The following LAMA2 variants were observed in gnomAD, a reference collection of about 807,000 sequenced individuals.
LAMA2 encodes the protein laminin subunit alpha 2, also known as laminin subunit alpha-2.
In LAMA2, 269 loss-of-function variants were observed where a neutral mutation model predicts 364.8. The observed-to-expected ratio is 0.74, with a 90% CI of 0.67 to 0.82. LAMA2 has a LOEUF of 0.82. Ranked by LOEUF, LAMA2 falls within the 40% of genes least tolerant of loss-of-function variation. The probability of loss-of-function intolerance (pLI) is 0.00; values close to 1 mark genes in which losing one functional copy is unlikely to be tolerated. For missense variants in LAMA2, 3,807 were observed against 3,873.2 expected (o/e 0.98, Z 0.45); for synonymous variants, 1,379 against 1,370.6 (o/e 1.01, Z -0.14).
intron 29 of LAMA2, among the ~76,000 whole-genome samples, chr6:129,330,569 A>G (rs1775569887): frequency 6.9e-6 from 1 of 144,454 alleles, no homozygotes; most frequent in Non-Finnish European, 1.5e-5. Context: ...TCTCCATTTG[A>G]AGCGTTTTTT....
chr6:128,925,397 A>G (rs1314482224), intron 1 of LAMA2, among the ~76,000 whole-genome samples: 1 of 152,202 alleles, frequency 6.6e-6, no homozygotes, highest in Admixed American at 6.5e-5. Context: ...TGCTAAGTGA[A>G]ATATACCAGT....
intron 58 of LAMA2, among the ~76,000 whole-genome samples, chr6:129,495,623 C>A (rs1391248693): frequency 1.3e-5 from 2 of 152,220 alleles, no homozygotes; most frequent in African/African-American, 4.8e-5. Context: ...CCAGGCAGGT[C>A]TCTCAGCCTG....
chr6:129,305,120 G>C (rs1470207404), intron 22 of LAMA2, among the ~76,000 whole-genome samples: 1 of 152,086 alleles, frequency 6.6e-6, no homozygotes, highest in African/African-American at 2.4e-5. Context: ...TGAACATTTA[G>C]GATTGCTATG....
chr6:129,366,248 C>T lies in LAMA2; in HGVS notation c.4747C>T (p.Leu1583Phe), dbSNP rs1408335723. 1 of 1,613,824 alleles carries T rather than the reference C, an allele frequency of 6.2e-7. No individual in the cohort carries two copies. The highest frequency in any genetic ancestry group is 1.3e-5 in the African/African-American group (1 of 74,868). ...TGGAGATGAGTGCACTGGCCTTCTT[C>T]TCGGTGACTTGGCTCGCCTGGAGCA... Reference protein sequence around the residue: ...FCGDECTGLLLGDLARLEQMV... With the variant: ...FCGDECTGLLFGDLARLEQMV... The change falls in exon 33 of 65, where the codon CTC becomes TTC. Residue 1583 changes from leucine (L) to phenylalanine (F), a missense_variant. Coordinates refer to ENST00000421865, the MANE Select transcript of LAMA2 (RefSeq NM_000426.4).
At chr6:129,124,589 CT>C (rs1289467915) in intron 4 of LAMA2, among the ~76,000 whole-genome samples, 2 of 152,184 alleles carry the variant, frequency 1.3e-5, no homozygotes, top group African/African-American at 4.8e-5. Context: ...AATAAAGTCC[CT>C]TTTCCCTCTT....
chr6:128,993,339 C>T (rs544945434), intron 1 of LAMA2, among the ~76,000 whole-genome samples: 4 of 152,260 alleles, frequency 2.6e-5, no homozygotes, highest in South Asian at 2.1e-4. Context: ...ATTTCAGCAG[C>T]GTTGTCTTGA....
In LAMA2 at chr6:129,148,758, A is replaced by G. The variant is rs1778627995; in HGVS notation, c.910-221A>G. The stretch of plus-strand genomic sequence containing the variant: ...GGCCTTCCTGCTTTCTTCTGAGCCT[A>G]AACCCAGTGATTAAAGAACCAGCCT... On this transcript the variant is annotated intron_variant, in intron 6 of 64. Transcript: ENST00000421865. Among the ~76,000 whole-genome samples, 4 of 152,090 alleles carry G rather than the reference A, an allele frequency of 2.6e-5. No individual in the cohort carries two copies. The South Asian group carries it at 8.3e-4, about 31-fold the overall frequency.
intron 1 of LAMA2, among the ~76,000 whole-genome samples, chr6:128,894,967 A>G (rs1363088894): frequency 2.0e-5 from 3 of 152,306 alleles, no homozygotes; most frequent in Middle Eastern, 3.4e-3. Flanking sequence ...GGATTCACAG[A>G]TCTTTCTTTG....
intron 1 of LAMA2, among the ~76,000 whole-genome samples, chr6:129,031,140 T>C (rs1360043508): frequency 6.6e-6 from 1 of 152,182 alleles, no homozygotes; most frequent in East Asian, 1.9e-4. Context: ...AAACAGCTGC[T>C]AGAGAACAAA....
rs76538675 is a variant in LAMA2, at chr6:129,513,151, C to A, written c.8988+658C>A. Among the ~76,000 whole-genome samples, 1,347 of 152,266 alleles carry A rather than the reference C, an allele frequency of 8.8e-3. 7 individuals are homozygous for A. Among genetic ancestry groups the A allele is most frequent in the South Asian group, 0.014 (68 of 4,826 alleles). ...TTCTATTTGGTTATTAAATAGGAATCGTACTTCAACTCAGTTCACGTTTCC... is the reference window on the plus strand; with the variant it reads ...TTCTATTTGGTTATTAAATAGGAATAGTACTTCAACTCAGTTCACGTTTCC... On this transcript the variant is annotated intron_variant, in intron 63 of 64. Transcript: ENST00000421865.
intron 10 of LAMA2, among the ~76,000 whole-genome samples, chr6:129,178,572 G>A (rs1055277315): frequency 3.3e-5 from 5 of 151,948 alleles, no homozygotes; most frequent in South Asian, 4.2e-4. Flanking sequence ...CTGACCAGAC[G>A]GTGTATAACT....
chr6:129,138,353 A>G (rs1273081257), intron 4 of LAMA2, among the ~76,000 whole-genome samples: 5 of 152,130 alleles, frequency 3.3e-5, no homozygotes, highest in Non-Finnish European at 7.4e-5. Flanking sequence ...TTGGTTGGAG[A>G]AAATAACAAA....
At chr6:129,045,277 A>G (rs1787397117) in intron 1 of LAMA2, among the ~76,000 whole-genome samples, 1 of 152,160 alleles carries the variant, frequency 6.6e-6, no homozygotes, top group African/African-American at 2.4e-5. Context: ...CTAAATGTAA[A>G]TTTTATTAGT....
At chr6:129,418,262 G>A (rs1428813763) in intron 40 of LAMA2, among the ~76,000 whole-genome samples, 2 of 151,972 alleles carry the variant, frequency 1.3e-5, no homozygotes. Context: ...CTCTCCCCAG[G>A]GAGCAGAAAT....
chr6:129,107,192 G>C (rs745463105), intron 4 of LAMA2, among the ~76,000 whole-genome samples: 7 of 152,056 alleles, frequency 4.6e-5, no homozygotes, highest in Non-Finnish European at 8.8e-5. Context: ...TTAACAATAG[G>C]GTTCAGAAAG....
intron 34 of LAMA2, among the ~76,000 whole-genome samples, chr6:129,380,050 G>A (rs1204099724): frequency 1.3e-5 from 2 of 152,114 alleles, no homozygotes; most frequent in African/African-American, 2.4e-5. Flanking sequence ...TCTATCTAAT[G>A]GAGATATGGC....
At chr6:129,464,564 A>C (rs112649944) in intron 50 of LAMA2, 112 bp downstream of exon 50, 11 of 961,622 alleles carry the variant, frequency 1.1e-5, no homozygotes, top group African/African-American at 9.6e-5. Flanking sequence ...TTTTCTAAAA[A>C]GCCTGGGATG....
intron 3 of LAMA2, among the ~76,000 whole-genome samples, chr6:129,083,316 A>G (rs1774181412): frequency 6.6e-6 from 1 of 152,058 alleles, no homozygotes; most frequent in Non-Finnish European, 1.5e-5. Flanking sequence ...GGAACTGTGG[A>G]CTCCCTGAAA....
intron 2 of LAMA2, among the ~76,000 whole-genome samples, chr6:129,056,131 C>T (rs1156312500): frequency 1.3e-5 from 2 of 152,144 alleles, no homozygotes; most frequent in African/African-American, 4.8e-5. Context: ...TTTTCTATCA[C>T]ATATTAAACG....
Sources: allele counts gnomAD v4.1 joint callset (sites outside exome capture counted in the v4.1 genomes callset), GRCh38; gene constraint gnomAD v4.1.1; transcripts MANE v1.5; gene names NCBI Gene and HGNC (gene_info 2026-07-23, HGNC 2026-07-21).